CALN1: variants seen among roughly 807,000 people sequenced by gnomAD.
CALN1 encodes the protein calcium-binding protein 8.
Under a neutral mutation model 30.6 loss-of-function variants are expected in CALN1, and 17 were observed. The ratio of observed to expected loss-of-function variants is 0.56; its 90% confidence interval spans 0.38 to 0.83. CALN1 has a LOEUF of 0.83. Among genes scored for constraint, CALN1 ranks in the 40% least tolerant of loss-of-function variants. CALN1 has a pLI of 0.00. For missense variants in CALN1, 291 were observed against 354.9 expected (o/e 0.82, Z 1.45); for synonymous variants, 156 against 131.4 (o/e 1.19, Z -1.28).
chr7:72,151,603 C>A (rs150198315), intron 3 of CALN1, among the ~76,000 whole-genome samples: 1 of 152,150 alleles, frequency 6.6e-6, no homozygotes, highest in Non-Finnish European at 1.5e-5. Flanking sequence ...CTTTCCAATG[C>A]GCTACCTTCT....
chr7:71,935,455 G>A (rs2129521205), intron 5 of CALN1, among the ~76,000 whole-genome samples: 1 of 152,296 alleles, frequency 6.6e-6, no homozygotes, highest in African/African-American at 2.4e-5. Context: ...TCTAGGCCAG[G>A]TGCGGTGTTT....
At chr7:71,971,629 G>A (rs535693254) in intron 5 of CALN1, among the ~76,000 whole-genome samples, 5 of 151,920 alleles carry the variant, frequency 3.3e-5, no homozygotes, top group Middle Eastern at 3.2e-3. Context: ...CGTGTATGAT[G>A]GCTCACACCT....
chr7:72,034,285 C>T (rs951488498), intron 4 of CALN1, among the ~76,000 whole-genome samples: 3 of 144,642 alleles, frequency 2.1e-5, no homozygotes, highest in East Asian at 2.1e-4. Context: ...ACCCAGGAGG[C>T]GGAGCTTGCA....
At chr7:72,226,995 C>T (rs1793726627) in intron 3 of CALN1, among the ~76,000 whole-genome samples, 1 of 152,090 alleles carries the variant, frequency 6.6e-6, no homozygotes, top group Non-Finnish European at 1.5e-5. Context: ...GAGATTACAC[C>T]ACTGCACTCC....
chr7:72,133,335 T>C (rs1007758895), intron 3 of CALN1, among the ~76,000 whole-genome samples: 4 of 152,146 alleles, frequency 2.6e-5, no homozygotes, highest in Non-Finnish European at 4.4e-5. Flanking sequence ...TACTACTATA[T>C]TAAAATAAAC....
chr7:72,112,993 G>A (rs1807683904), intron 3 of CALN1, among the ~76,000 whole-genome samples: 1 of 152,198 alleles, frequency 6.6e-6, no homozygotes, highest in Non-Finnish European at 1.5e-5. Context: ...AATGTGGCAA[G>A]ACACGGGCAT....
chr7:71,835,842 A>C (rs1041472808), intron 5 of CALN1, among the ~76,000 whole-genome samples: 2 of 152,164 alleles, frequency 1.3e-5, no homozygotes, highest in Non-Finnish European at 2.9e-5. Flanking sequence ...TTTCCTTGTG[A>C]AGCTCTTTTG....
At chr7:71,791,142 A>G (rs190905720) in intron 6 of CALN1, among the ~76,000 whole-genome samples, 1 of 152,268 alleles carries the variant, frequency 6.6e-6, no homozygotes, top group Non-Finnish European at 1.5e-5. Flanking sequence ...AAGGGTCCCA[A>G]GGGCTTGTCA....
chr7:72,326,310 G>A (rs889713233), intron 2 of CALN1, among the ~76,000 whole-genome samples: 1 of 152,162 alleles, frequency 6.6e-6, no homozygotes, highest in Admixed American at 6.6e-5. Flanking sequence ...TTAGCTAGTG[G>A]GTTACATACC....
chr7:71,856,506 C>T (rs1790954649), intron 5 of CALN1, among the ~76,000 whole-genome samples: 1 of 152,056 alleles, frequency 6.6e-6, no homozygotes, highest in South Asian at 2.1e-4. Flanking sequence ...AATTTAAAAA[C>T]ATTACTTATT....
In CALN1 at chr7:71,784,501, G is replaced by T; in HGVS notation, c.*3274C>A. 3.7e-6 allele frequency: 1 copy of T among 271,736 alleles called. No homozygotes were observed. The highest frequency in any genetic ancestry group is 6.9e-6 in the Non-Finnish European group (1 of 145,776). The allele number at this position is 271,736 out of a possible 1,614,324, so 16.8% of individuals were successfully genotyped here. The stretch of plus-strand genomic sequence containing the variant: ...GGAAGCCATTGCTAATAGTCCCGAT[G>T]CTAGATTCTGTCTGGGGGCTTTGTG... On this transcript the variant is annotated 3_prime_UTR_variant, in exon 7 of 7. Coordinates refer to ENST00000395275, the MANE Select transcript of CALN1 (RefSeq NM_031468.4).
In CALN1 at chr7:72,194,221, C is replaced by T. The variant is rs191268450; in HGVS notation, c.244+84465G>A. On this transcript the variant is annotated intron_variant, in intron 3 of 6. Coordinates refer to ENST00000395275, the MANE Select transcript of CALN1 (RefSeq NM_031468.4). ...GGCATCTCTTTGACTGGGTAGATGG[C>T]TATGCCATTAACCAAGGCTAAAACT... 3.3e-5 allele frequency among the ~76,000 whole-genome samples: 5 copies of T among 152,350 alleles called. No individual in the cohort carries two copies. The East Asian group carries it at 9.7e-4, about 29-fold the overall frequency.
the CALN1 span, among the ~76,000 whole-genome samples, chr7:72,493,760 T>C: frequency 1.3e-5 from 2 of 152,250 alleles, no homozygotes; most frequent in South Asian, 2.1e-4. Flanking sequence ...CCCAAGTTTT[T>C]AGTGTGCTAG....
At position 72,249,794 on chromosome 7, in the gene CALN1, G is replaced by A. The variant is rs946789389; in HGVS notation, c.244+28892C>T. ...TCTACAAAAAATACAAAAATTAGCT[G>A]GGTGTGGTGGTGGGCACCTGTAATC... On this transcript the variant is annotated intron_variant, in intron 3 of 6. Coordinates refer to ENST00000395275, the MANE Select transcript of CALN1 (RefSeq NM_031468.4). Among the ~76,000 whole-genome samples, 3 of 152,076 alleles carry A rather than the reference G, an allele frequency of 2.0e-5. No homozygotes were observed. In the South Asian group the frequency reaches 6.2e-4, roughly 32 times the overall value.
chr7:72,386,882 G>A (rs1265648375), intron 2 of CALN1, among the ~76,000 whole-genome samples: 1 of 151,992 alleles, frequency 6.6e-6, no homozygotes, highest in Non-Finnish European at 1.5e-5. Flanking sequence ...TATAGATACA[G>A]ATGGTTACAT....
intron 2 of CALN1, among the ~76,000 whole-genome samples, chr7:72,368,972 G>A (rs1041307339): frequency 2.6e-5 from 4 of 151,090 alleles, no homozygotes; most frequent in Non-Finnish European, 5.9e-5. Flanking sequence ...CCGCCACCAC[G>A]CCCAGCTAAT....
At position 72,333,633 on chromosome 7, in the gene CALN1, C is replaced by T. The variant is rs114700933; in HGVS notation, c.120-54823G>A. On this transcript the variant is annotated intron_variant, in intron 2 of 6. Coordinates refer to ENST00000395275, the MANE Select transcript of CALN1 (RefSeq NM_031468.4). ...AAGGACATTTCAGACACTCTGACTA[C>T]ACCAGCTGAAGTCCCAAGTGAACCT... is the stretch of plus-strand genomic sequence containing the variant. Among the ~76,000 whole-genome samples the T allele has an allele frequency of 9.5e-3, 1,421 of 149,724 alleles. 21 individuals carry two copies. The highest frequency in any genetic ancestry group is 0.034 in the African/African-American group (1,361 of 40,612).
intron 5 of CALN1, among the ~76,000 whole-genome samples, chr7:72,020,656 T>G (rs1267190225): frequency 6.6e-6 from 1 of 152,124 alleles, no homozygotes; most frequent in Non-Finnish European, 1.5e-5. Context: ...CAAGATGGAA[T>G]TTTCCCTCCT....
upstream of CALN1, chr7:72,412,458 T>G (rs1470780518): frequency 6.6e-6 from 1 of 152,136 alleles, no homozygotes; most frequent in Non-Finnish European, 1.5e-5. Flanking sequence ...TTGGTCCATT[T>G]TACAGAGTGC....
Sources: gnomAD v4.1 joint callset for allele counts (sites outside exome capture counted in the v4.1 genomes callset) on GRCh38, gnomAD v4.1.1 for gene constraint, MANE v1.5 for transcripts, NCBI Gene and HGNC (gene_info 2026-07-23, HGNC 2026-07-21) for gene names.